The following ARHGEF18 variants were observed in gnomAD, a reference collection of about 807,000 sequenced individuals.
ARHGEF18 encodes Rho/Rac guanine nucleotide exchange factor 18, also known as rho guanine nucleotide exchange factor 18.
Under a neutral mutation model 155.7 loss-of-function variants are expected in ARHGEF18, and 93 were observed. That is an observed-to-expected ratio of 0.60 (90% CI 0.50 to 0.71). The LOEUF is 0.71. ARHGEF18 is among the 30% of genes least tolerant of loss of function. The pLI, the probability that ARHGEF18 is intolerant of heterozygous loss-of-function variation, is 0.00. For missense variants in ARHGEF18, 1,593 were observed against 1,816.1 expected, an observed-to-expected ratio of 0.88 and a Z score of 2.23; for synonymous variants, 742 against 753.1, an observed-to-expected ratio of 0.99 and a Z score of 0.24.
intron 10 of ARHGEF18, among the ~76,000 whole-genome samples, chr19:7,388,927 GA>G (rs2145494990): frequency 6.6e-6 from 1 of 152,040 alleles, no homozygotes; most frequent in African/African-American, 2.4e-5. Flanking sequence ...ATATTTACAG[GA>G]AAGTACAAAG....
rs571675964 is a variant in ARHGEF18 at position 7,444,103 on chromosome 19, T to A, written c.1361-101T>A. 1.3e-6 allele frequency: 2 copies of A among 1,486,990 alleles called. No homozygotes were observed. Among genetic ancestry groups the A allele is most frequent in the African/African-American group, 2.8e-5 (2 of 71,862 alleles). 92.1% of individuals were successfully genotyped at this position (1,486,990 alleles called of 1,614,324 possible). A position where few individuals can be genotyped will look rare whatever the true frequency, so the allele number is the denominator to read the frequency against. On this transcript the variant is annotated intron_variant, in intron 13 of 28. Coordinates refer to ENST00000668164, the MANE Select transcript of ARHGEF18 (RefSeq NM_001367823.1). This position sits in a 1 kb window ranked among gnomAD's most constrained non-coding sequence, Gnocchi z 4.7. ...GCACAAGGTCTTAGGCAGAGAACTC[T>A]CAGAAGCCAGTTCAGCACGTGAAGG...
downstream of ARHGEF18, among the ~76,000 whole-genome samples, chr19:7,474,448 G>C (rs1434709560): frequency 6.6e-6 from 1 of 152,038 alleles, no homozygotes. Flanking sequence ...ACGCTATCTT[G>C]ACTCACTGCA....
At chr19:7,434,394 T>C (rs867345180) in intron 10 of ARHGEF18, among the ~76,000 whole-genome samples, 1 of 152,294 alleles carries the variant, frequency 6.6e-6, no homozygotes, top group Middle Eastern at 3.4e-3. Context: ...GGTATATTTT[T>C]TCCCCCTCAG....
chr19:7,375,619 A>G, intron 3 of ARHGEF18, 101 bp from the exon 4 acceptor site: 1 of 1,154,146 alleles, frequency 8.7e-7, no homozygotes, highest in Non-Finnish European at 1.1e-6. Flanking sequence ...TTGTCCTGGA[A>G]GGGCCCCCTT....
In ARHGEF18 at chr19:7,458,530, A is replaced by G; in HGVS notation, c.2200A>G (p.Ile734Val). The change falls in exon 19 of 29, where the codon ATC (isoleucine) becomes GTC (valine). Residue 734 changes from isoleucine to valine, a missense_variant. By Grantham distance (29) the Ile-to-Val change is conservative. Coordinates refer to ENST00000668164, the MANE Select transcript of ARHGEF18 (RefSeq NM_001367823.1). ...CATGCAGGACTCAAAGCCACCCGTC[A>G]TCTCGTTACAAAAGCTCATCGTGAG... ...FASVDSKPPV[I>V]SLQKLIVREV... 6.2e-7 allele frequency: 1 copy of G among 1,614,036 alleles called. No individual in the cohort carries two copies. Among genetic ancestry groups the G allele is most frequent in the South Asian group, 1.1e-5 (1 of 91,082 alleles).
At chr19:7,382,982 G>A (rs1568283357) in intron 9 of ARHGEF18, 80 bp from the exon 10 acceptor site, 1 of 1,232,282 alleles carries the variant, frequency 8.1e-7, no homozygotes, top group South Asian at 4.1e-5. Flanking sequence ...GACTGGGGCT[G>A]GTGGTGGGCT....
chr19:7,453,053 G>A (rs1005257861), intron 16 of ARHGEF18, among the ~76,000 whole-genome samples: 1 of 152,018 alleles, frequency 6.6e-6, no homozygotes, highest in East Asian at 2.0e-4. Context: ...AAAAAAAATA[G>A]CTGGGCATGG....
chr19:7,388,071 T>C lies in ARHGEF18; in HGVS notation c.967+4868T>C, dbSNP rs546328119. 3.9e-5 allele frequency among the ~76,000 whole-genome samples: 6 copies of C among 152,180 alleles called. No individual in the cohort carries two copies. The East Asian group carries it at 1.2e-3, about 29-fold the overall frequency. Reference sequence around the variant, plus strand: ...AGCAAGCAAGGTGAGTGGCTTATCATGTCCTGCAAATCAATAAACCCCTTA... The same window carrying C: ...AGCAAGCAAGGTGAGTGGCTTATCACGTCCTGCAAATCAATAAACCCCTTA... On this transcript the variant is annotated intron_variant, in intron 10 of 28. Transcript: ENST00000668164.
At chr19:7,458,296 TTAA>T (rs1454944559) in intron 18 of ARHGEF18, among the ~76,000 whole-genome samples, 20 of 110,064 alleles carry the variant, frequency 1.8e-4, no homozygotes, top group Middle Eastern at 4.6e-3. Context: ...CCAAGATAGT[TTAA>T]AAAAAAAAAA....
chr19:7,446,923 A>T, intron 14 of ARHGEF18, 120 bp from the exon 15 acceptor site: 1 of 1,273,316 alleles, frequency 7.9e-7, no homozygotes, highest in Non-Finnish European at 1.1e-6. Context: ...AAGAAGAAAG[A>T]AAGAAAATGG....
chr19:7,362,758 C>A (rs1279227866), intron 1 of ARHGEF18, 23 bp from the exon 2 acceptor site: 5 of 1,233,220 alleles, frequency 4.1e-6, no homozygotes, highest in Non-Finnish European at 4.0e-6. Context: ...ATCCCTGACA[C>A]CTTGTCCCTC....
chr19:7,367,832 T>TATATATATTTTATATATATATATACAC lies in ARHGEF18; in HGVS notation c.15+4939_16-4942dup. Among the ~76,000 whole-genome samples the TATATATATTTTATATATATATATACAC allele has an allele frequency of 4.2e-5, 4 of 95,224 alleles. 1 individual carries two copies. Among genetic ancestry groups the TATATATATTTTATATATATATATACAC allele is most frequent in the Non-Finnish European group, 6.1e-5 (3 of 49,562 alleles). The allele number at this position is 95,224 out of a possible 152,430, so 62.5% of individuals were successfully genotyped here. On this transcript the variant is annotated intron_variant, in intron 2 of 28. Transcript: ENST00000668164. Reference sequence around the variant, plus strand: ...TATATATTTTATATATATATACACATATATATATTTTATATATATATATAC... The same window carrying TATATATATTTTATATATATATATACAC: ...TATATATTTTATATATATATACACATATATATATTTTATATATATATATACACATATATATTTTATATATATATATAC...
intron 10 of ARHGEF18, among the ~76,000 whole-genome samples, chr19:7,422,247 G>C (rs753934696): frequency 6.6e-6 from 1 of 151,954 alleles, no homozygotes; most frequent in Non-Finnish European, 1.5e-5. Context: ...GAAGAGTGTC[G>C]TAGGGCAGCA....
intron 10 of ARHGEF18, among the ~76,000 whole-genome samples, chr19:7,438,035 CCTCTT>C (rs1349236050): frequency 2.7e-5 from 3 of 111,212 alleles, no homozygotes; most frequent in Non-Finnish European, 5.5e-5. Context: ...CTTCCCCTCT[CCTCTT>C]CTCTCCTCTC....
At chr19:7,381,315 G>A (rs1373841121) in intron 8 of ARHGEF18, among the ~76,000 whole-genome samples, 2 of 152,260 alleles carry the variant, frequency 1.3e-5, no homozygotes, top group East Asian at 3.9e-4. Context: ...GCTGGGAGGA[G>A]GGAAGGTGGG....
rs901539858 is a variant in ARHGEF18 at position 7,431,529 on chromosome 19, A to AAAAAAAAAAAAAAAG, written c.968-8811_968-8810insAAAAAAAAAAGAAAA. On this transcript the variant is annotated intron_variant, in intron 10 of 28. Transcript: ENST00000668164. Reference sequence around the variant, plus strand: ...CCATCTCAAAAAAAAAAAAAAAAAAAAAAAGGCCGGGCTCAGTGGCTCACG... The same window carrying AAAAAAAAAAAAAAAG: ...CCATCTCAAAAAAAAAAAAAAAAAAAAAAAAAAAAAAAAAGAAAAGGCCGGGCTCAGTGGCTCACG... Among the ~76,000 whole-genome samples the AAAAAAAAAAAAAAAG allele has an allele frequency of 1.6e-4, 23 of 146,956 alleles. 1 individual carries two copies. Among genetic ancestry groups the AAAAAAAAAAAAAAAG allele is most frequent in the Non-Finnish European group, 2.7e-4 (18 of 65,988 alleles).
chr19:7,380,879 G>A (rs763325082), intron 7 of ARHGEF18, 38 bp from the exon 8 acceptor site: 266 of 1,223,376 alleles, frequency 2.2e-4, no homozygotes, highest in Non-Finnish European at 2.6e-4. Flanking sequence ...GGGAGAAGAG[G>A]CTGCCGACCC....
chr19:7,459,987 C>G lies in ARHGEF18; in HGVS notation c.2445C>G (p.Asp815Glu). Residue 815 changes from aspartate (D) to glutamate (E), a missense_variant, in exon 20 of 29, where the codon GAC becomes GAG. Asp to Glu is a conservative substitution (Grantham distance 45, BLOSUM62 2). Coordinates refer to ENST00000668164, the MANE Select transcript of ARHGEF18 (RefSeq NM_001367823.1). ...VVEARATRLR[D>E]FQERLSMKDQ... Reference sequence around the variant, plus strand: ...AGGCCCGCGCCACGAGACTCCGGGACTTTCAAGGTGAGCGGGAGACAGCGT... The same window carrying G: ...AGGCCCGCGCCACGAGACTCCGGGAGTTTCAAGGTGAGCGGGAGACAGCGT... The G allele has an allele frequency of 6.3e-7, 1 of 1,577,658 alleles. No individual in the cohort carries two copies. The highest frequency in any genetic ancestry group is 8.6e-7 in the Non-Finnish European group (1 of 1,161,670).
In ARHGEF18 at chr19:7,470,218, C is replaced by A. The variant is rs1205918528; in HGVS notation, c.4006C>A (p.Pro1336Thr). 2 of 1,608,864 alleles carry A rather than the reference C, an allele frequency of 1.2e-6. No homozygotes were observed. Among genetic ancestry groups the A allele is most frequent in the South Asian group, 2.2e-5 (2 of 90,794 alleles). ...CGGGGGCACAGCCCTCCTGCCCGGGCCCCCAGCTCCCTCGCCACTGCCGGC... is the reference window on the plus strand; with the variant it reads ...CGGGGGCACAGCCCTCCTGCCCGGGACCCCAGCTCCCTCGCCACTGCCGGC... Reference protein sequence around the residue: ...KAGGTALLPGPPAPSPLPATP... With the variant: ...KAGGTALLPGTPAPSPLPATP... Residue 1336 changes from proline (P) to threonine (T), a missense_variant, in exon 29 of 29, where the codon CCC (proline) becomes ACC (threonine). Physicochemically the swap from Pro to Thr is conservative, Grantham distance 38. Transcript: ENST00000668164. This position sits in a 1 kb window ranked among gnomAD's most constrained non-coding sequence, Gnocchi z 5.9.
Sources: allele counts gnomAD v4.1 joint callset (sites outside exome capture counted in the v4.1 genomes callset), GRCh38; gene constraint gnomAD v4.1.1; non-coding constraint Gnocchi (gnomAD v3.1); transcripts MANE v1.5; gene names NCBI Gene and HGNC (gene_info 2026-07-23, HGNC 2026-07-21).